The following PTPRK variants were observed in gnomAD, a reference collection of about 807,000 sequenced individuals.
PTPRK encodes the protein protein tyrosine phosphatase receptor type K, also known as receptor-type tyrosine-protein phosphatase kappa.
In PTPRK, 75 loss-of-function variants were observed where a neutral mutation model predicts 178.0. That is an observed-to-expected ratio of 0.42 (90% confidence interval 0.35 to 0.51). PTPRK has a LOEUF of 0.51. PTPRK is among the 20% of genes least tolerant of loss of function. The pLI is 0.02. For synonymous variants in PTPRK, 637 were observed against 620.6 expected, an observed-to-expected ratio of 1.03 and a Z score of -0.39; for missense variants, 1,441 against 1,797.8, an observed-to-expected ratio of 0.80 and a Z score of 3.59.
At chr6:128,091,661 A>G (rs1441090085) in intron 7 of PTPRK, among the ~76,000 whole-genome samples, 1 of 152,212 alleles carries the variant, frequency 6.6e-6, no homozygotes, top group Non-Finnish European at 1.5e-5. Flanking sequence ...GCAATGAGAG[A>G]AACACCACAA....
At chr6:128,500,443 T>G (rs1158387173) in intron 1 of PTPRK, 1 of 152,190 alleles carries the variant, frequency 6.6e-6, no homozygotes, top group Non-Finnish European at 1.5e-5. Flanking sequence ...TTACCCAGCA[T>G]AATTACATTT....
intron 1 of PTPRK, among the ~76,000 whole-genome samples, chr6:128,412,641 T>C (rs1842432875): frequency 6.6e-6 from 1 of 152,164 alleles, no homozygotes; most frequent in South Asian, 2.1e-4. Context: ...ATTCCTGCAA[T>C]ACAGGAAAGA....
intron 1 of PTPRK, 80 bp downstream of exon 1, chr6:128,520,179 C>T (rs892307300): frequency 1.6e-6 from 2 of 1,262,804 alleles, no homozygotes. Flanking sequence ...TCCTTGTCCC[C>T]AGCCCTAGCG....
At chr6:128,152,556 G>GA (rs202059401) in intron 7 of PTPRK, among the ~76,000 whole-genome samples, 21,656 of 144,512 alleles carry the variant, frequency 0.15, 3,681 homozygotes, top group East Asian at 0.4. Context: ...GGCTGGGTAG[G>GA]AAAAAAAAAA....
chr6:128,190,634 G>A (rs938184591), intron 6 of PTPRK, among the ~76,000 whole-genome samples: 1 of 151,446 alleles, frequency 6.6e-6, no homozygotes, highest in Non-Finnish European at 1.5e-5. Context: ...AAGTAGCTGG[G>A]ATTACAGATA....
chr6:128,455,388 T>C (rs1475358720), intron 1 of PTPRK, among the ~76,000 whole-genome samples: 3 of 152,218 alleles, frequency 2.0e-5, no homozygotes, highest in Non-Finnish European at 2.9e-5. Flanking sequence ...AGCAGGTATA[T>C]TGCAGGTAGA....
chr6:128,122,243 G>A (rs1257087327), intron 7 of PTPRK, among the ~76,000 whole-genome samples: 2 of 152,138 alleles, frequency 1.3e-5, no homozygotes, highest in Non-Finnish European at 2.9e-5. Flanking sequence ...AATAGCACAT[G>A]TGTGCATGTA....
chr6:128,189,804 A>G (rs1431314638), intron 6 of PTPRK, among the ~76,000 whole-genome samples: 1 of 152,112 alleles, frequency 6.6e-6, no homozygotes, highest in African/African-American at 2.4e-5. Context: ...AGTGTTTCTC[A>G]TTGTTTAATT....
chr6:128,084,125 T>C (rs928243353), intron 8 of PTPRK, among the ~76,000 whole-genome samples: 3 of 152,252 alleles, frequency 2.0e-5, no homozygotes, highest in South Asian at 2.1e-4. Context: ...GTTTCCTCTG[T>C]TGTATACCTC....
chr6:128,477,532 A>T (rs908264209), intron 1 of PTPRK, among the ~76,000 whole-genome samples: 4 of 152,002 alleles, frequency 2.6e-5, no homozygotes, highest in Non-Finnish European at 5.9e-5. Context: ...TTGTTTTCAT[A>T]GCTGCATTCA....
chr6:128,199,718 T>TCCA (rs1305464503), intron 6 of PTPRK, among the ~76,000 whole-genome samples: 5 of 152,168 alleles, frequency 3.3e-5, no homozygotes, highest in Non-Finnish European at 7.4e-5. Context: ...ATCCTGAGAT[T>TCCA]TAACATTTAA....
At chr6:128,389,743 CT>C (rs557080776) in intron 2 of PTPRK, among the ~76,000 whole-genome samples, 2 of 151,380 alleles carry the variant, frequency 1.3e-5, no homozygotes, top group South Asian at 2.1e-4. Context: ...TTTTTATTTC[CT>C]TTTTTTTAAT....
At chr6:128,170,715 A>G (rs1280210376) in intron 7 of PTPRK, among the ~76,000 whole-genome samples, 1 of 152,036 alleles carries the variant, frequency 6.6e-6, no homozygotes, top group Non-Finnish European at 1.5e-5. Context: ...TAAAACGACA[A>G]TTCCTTCCAA....
At chr6:128,206,704 A>T (rs770560949) in intron 6 of PTPRK, among the ~76,000 whole-genome samples, 3 of 152,142 alleles carry the variant, frequency 2.0e-5, no homozygotes, top group Non-Finnish European at 4.4e-5. Flanking sequence ...AAGGTCACTG[A>T]TGTATTGCCA....
intron 13 of PTPRK, among the ~76,000 whole-genome samples, chr6:128,054,627 A>G (rs1320131659): frequency 6.6e-6 from 1 of 152,070 alleles, no homozygotes; most frequent in East Asian, 1.9e-4. Flanking sequence ...GCAGTGGGAC[A>G]CAAGCATTGC....
chr6:128,391,267 G>A (rs890600847), intron 2 of PTPRK, among the ~76,000 whole-genome samples: 5 of 151,954 alleles, frequency 3.3e-5, no homozygotes, highest in South Asian at 2.1e-4. Flanking sequence ...TCCCATCTAC[G>A]TTAATGGCCT....
At chr6:128,413,453 C>T (rs1348609267) in intron 1 of PTPRK, among the ~76,000 whole-genome samples, 1 of 152,066 alleles carries the variant, frequency 6.6e-6, no homozygotes, top group Non-Finnish European at 1.5e-5. Flanking sequence ...AATTCTCCAC[C>T]CAGTATAGGA....
At chr6:128,121,608 TG>T (rs1489224858) in intron 7 of PTPRK, among the ~76,000 whole-genome samples, 17 of 152,046 alleles carry the variant, frequency 1.1e-4, no homozygotes, top group African/African-American at 3.6e-4. Flanking sequence ...GAAAAAAGCA[TG>T]TTAATACTAT....
At chr6:128,269,843 C>T (rs1323718563) in intron 3 of PTPRK, among the ~76,000 whole-genome samples, 1 of 152,074 alleles carries the variant, frequency 6.6e-6, no homozygotes, top group Non-Finnish European at 1.5e-5. Flanking sequence ...ATTCCAACAA[C>T]AACATTTCCT....
Sources: allele counts gnomAD v4.1 joint callset (sites outside exome capture counted in the v4.1 genomes callset), GRCh38; gene constraint gnomAD v4.1.1; transcripts MANE v1.5; gene names NCBI Gene and HGNC (gene_info 2026-07-23, HGNC 2026-07-21).